ACCS: variants seen among roughly 807,000 people sequenced by gnomAD.
ACCS encodes the protein 1-aminocyclopropane-1-carboxylate synthase-like protein 1.
In ACCS, 42 loss-of-function variants were observed where a neutral mutation model predicts 59.8. The observed-to-expected ratio is 0.70, with a 90% CI of 0.55 to 0.91. The LOEUF (loss-of-function observed/expected upper bound fraction) is 0.91. Among genes scored for constraint, ACCS ranks in the 40% least tolerant of loss-of-function variants. ACCS has a pLI of 0.00. For missense variants in ACCS, 602 were observed against 630.4 expected, an observed-to-expected ratio of 0.95 and a Z score of 0.48; for synonymous variants, 230 against 240.3, an observed-to-expected ratio of 0.96 and a Z score of 0.40.
At position 44,083,998 on chromosome 11, in the gene ACCS, A is replaced by G. The variant is rs1163080964; in HGVS notation, c.*206A>G. On this transcript the variant is annotated 3_prime_UTR_variant, in exon 15 of 15. Coordinates refer to ENST00000263776, the MANE Select transcript of ACCS (RefSeq NM_032592.4). ...TCAGCCTGGGCCCTCCCTCTCTCCT[A>G]TTAAACAAAACTAGGAGAGTCCATA... 4.5e-6 allele frequency: 5 copies of G among 1,123,214 alleles called. No individual in the cohort carries two copies. The East Asian group carries it at 1.1e-4, about 25-fold the overall frequency. 69.6% of individuals were successfully genotyped at this position (1,123,214 alleles called of 1,614,324 possible). A position where few individuals can be genotyped will look rare whatever the true frequency, so the allele number is the denominator to read the frequency against.
chr11:44,077,577 T>C (rs748567773), intron 7 of ACCS: 14 of 1,438,298 alleles, frequency 9.7e-6, no homozygotes, highest in Non-Finnish European at 1.3e-5. Context: ...CTGGGGTTGA[T>C]GTAGAAGCCA....
intron 10 of ACCS, among the ~76,000 whole-genome samples, chr11:44,079,907 C>T (rs1238615916): frequency 6.6e-6 from 1 of 152,240 alleles, no homozygotes; most frequent in Non-Finnish European, 1.5e-5. Flanking sequence ...TCCTTTACCT[C>T]CAGAGTCGCT....
intron 12 of ACCS, chr11:44,082,248 A>G (rs942618995): frequency 1.3e-5 from 2 of 152,222 alleles, no homozygotes; most frequent in Non-Finnish European, 2.9e-5. Flanking sequence ...AAAGTTAAAC[A>G]TACACTTGCC....
chr11:44,075,525 G>C lies in ACCS; in HGVS notation c.490-1G>C. 1 of 1,614,180 alleles carries C rather than the reference G, an allele frequency of 6.2e-7. No homozygotes were observed. The highest frequency in any genetic ancestry group is 8.5e-7 in the Non-Finnish European group (1 of 1,180,010). On this transcript the variant is annotated splice_acceptor_variant, in intron 5 of 14. Transcript: ENST00000263776. LOFTEE classifies it high-confidence loss of function. ...TCATCCCTTGGATATGTCGCCCTTAGGTGGTTGTCCTGAATGGTGGTGCCT... is the reference window on the plus strand; with the variant it reads ...TCATCCCTTGGATATGTCGCCCTTACGTGGTTGTCCTGAATGGTGGTGCCT...
At chr11:44,067,600 C>A in intron 1 of ACCS, 28 bp from the exon 2 acceptor site, 1 of 1,573,928 alleles carries the variant, frequency 6.4e-7, no homozygotes, top group Non-Finnish European at 8.6e-7. Flanking sequence ...ATCCCTTGAG[C>A]AGGCCTGTGC....
chr11:44,082,826 C>T (rs1256129060), intron 12 of ACCS, among the ~76,000 whole-genome samples: 1 of 152,164 alleles, frequency 6.6e-6, no homozygotes, highest in Non-Finnish European at 1.5e-5. Flanking sequence ...ACACTGGGAT[C>T]TGAACCTTGG....
In ACCS at chr11:44,080,947, A is replaced by G. The variant is rs1953609955; in HGVS notation, c.924-73A>G. On this transcript the variant is annotated intron_variant, in intron 10 of 14. Transcript: ENST00000263776. Reference sequence around the variant, plus strand: ...ACTAGATTCAACCACCCATCTCTTCATTTGTTCAACCAAACACATGTGGGT... The same window carrying G: ...ACTAGATTCAACCACCCATCTCTTCGTTTGTTCAACCAAACACATGTGGGT... 4 of 1,584,858 alleles carry G rather than the reference A, an allele frequency of 2.5e-6. No individual in the cohort carries two copies. In the African/African-American group the frequency reaches 4.0e-5, roughly 16 times the overall value.
At chr11:44,072,912 T>A (rs761524614) in intron 3 of ACCS, among the ~76,000 whole-genome samples, 7 of 152,196 alleles carry the variant, frequency 4.6e-5, no homozygotes, top group Non-Finnish European at 1.0e-4. Flanking sequence ...CATTGGCCCT[T>A]CTTTGACAAA....
Position 44,077,916 on chromosome 11 carries a change from C to T in ACCS, c.726C>T (p.His242=). 1 of 1,613,880 alleles carries T rather than the reference C, an allele frequency of 6.2e-7. No homozygotes were observed. The highest frequency in any genetic ancestry group is 8.5e-7 in the Non-Finnish European group (1 of 1,179,890). The change falls in exon 8 of 15, where the codon CAC becomes CAT. Residue 242 remains histidine, a synonymous_variant. Transcript: ENST00000263776. ...TGGAGATGGCCCTGAGAGAAGCTCA[C>T]TCTGAGGTCTGGGGATCAAATCAAA... ...EKLEMALREA[H]SEGVKVKGLI... is the part of the protein sequence containing the mutation.
intron 12 of ACCS, among the ~76,000 whole-genome samples, chr11:44,082,717 T>G (rs1465165951): frequency 6.6e-6 from 1 of 152,060 alleles, no homozygotes; most frequent in East Asian, 1.9e-4. Flanking sequence ...ACACATGTAT[T>G]AGAATTCATA....
At chr11:44,079,245 C>G in intron 9 of ACCS, 1 of 432,082 alleles carries the variant, frequency 2.3e-6, no homozygotes. Context: ...GAACCTGGGT[C>G]TCTCCGACTC....
At chr11:44,081,940 A>C (rs1214389882) in intron 12 of ACCS, 1 of 152,276 alleles carries the variant, frequency 6.6e-6, no homozygotes, top group Non-Finnish European at 1.5e-5. Flanking sequence ...AGTGAGTTTA[A>C]ATAGCAAAGG....
At chr11:44,081,109 G>C (rs981397503) in intron 11 of ACCS, 44 bp downstream of exon 11, 2 of 1,614,046 alleles carry the variant, frequency 1.2e-6, no homozygotes, top group African/African-American at 2.7e-5. Flanking sequence ...GGGTGGGAGG[G>C]CAGAGAGGTG....
intron 12 of ACCS, 129 bp downstream of exon 12, chr11:44,081,449 C>A: frequency 7.1e-7 from 1 of 1,407,036 alleles, no homozygotes; most frequent in Non-Finnish European, 9.4e-7. Context: ...CAGCTCTGAG[C>A]CCCGACTGGG....
Position 44,067,618 on chromosome 11 carries a change from C to T in ACCS, c.1-10C>T, listed in dbSNP as rs748472039. On this transcript the variant is annotated splice_polypyrimidine_tract_variant and intron_variant, in intron 1 of 14. Transcript: ENST00000263776. ...CCTTGAGCAGGCCTGTGCGTTTTGT[C>T]TTTTTGCAGATGTTCACCCTTCCTC... is the stretch of plus-strand genomic sequence containing the variant. 3.8e-6 allele frequency: 6 copies of T among 1,594,752 alleles called. No homozygotes were observed. In the African/African-American group the frequency reaches 6.7e-5, roughly 18 times the overall value.
At position 44,074,627 on chromosome 11, in the gene ACCS, GGCCAAGTTCCT is replaced by G; in HGVS notation, c.437_447del (p.Ala146ValfsTer34). 6.2e-7 allele frequency: 1 copy of G among 1,613,578 alleles called. No individual in the cohort carries two copies. The highest frequency in any genetic ancestry group is 8.5e-7 in the Non-Finnish European group (1 of 1,179,816). On this transcript the variant is annotated frameshift_variant, in exon 5 of 15. Transcript: ENST00000263776. LOFTEE classifies it high-confidence loss of function. The stretch of plus-strand genomic sequence containing the variant: ...TTATCTTCAGCCTCCGGGAGGAAGT[GGCCAAGTTCCT>G]GTCTTTCTACTGCAAGAGCCCAGTA...
chr11:44,075,667 A>ACT, intron 6 of ACCS, 75 bp downstream of exon 6: 1 of 1,539,426 alleles, frequency 6.5e-7, no homozygotes, highest in Non-Finnish European at 8.9e-7. Context: ...CCTGGCCTCA[A>ACT]GGGCTGCAAT....
At chr11:44,069,656 C>T (rs1173197834) in intron 2 of ACCS, among the ~76,000 whole-genome samples, 1 of 152,200 alleles carries the variant, frequency 6.6e-6, no homozygotes, top group Non-Finnish European at 1.5e-5. Flanking sequence ...TCCAATGACA[C>T]TCTTATGCTT....
chr11:44,081,687 G>A (rs2134897480), intron 12 of ACCS, among the ~76,000 whole-genome samples: 1 of 152,328 alleles, frequency 6.6e-6, no homozygotes, highest in Middle Eastern at 3.4e-3. Flanking sequence ...AAACAGAGCA[G>A]GGTCGAGCAT....
Sources: allele counts gnomAD v4.1 joint callset (sites outside exome capture counted in the v4.1 genomes callset), GRCh38; gene constraint gnomAD v4.1.1; transcripts MANE v1.5; gene names NCBI Gene and HGNC (gene_info 2026-07-23, HGNC 2026-07-21).